The following HERC1 variants were observed in gnomAD, a reference collection of about 807,000 sequenced individuals.
HERC1 encodes the protein probable E3 ubiquitin-protein ligase HERC1.
HERC1 carries 160 observed loss-of-function variants against 554.3 expected under a neutral mutation model. The observed-to-expected ratio is 0.29, with a 90% CI of 0.25 to 0.33. The LOEUF (loss-of-function observed/expected upper bound fraction) is 0.33. HERC1 is among the 10% of genes least tolerant of loss of function. The probability of loss-of-function intolerance (pLI) is 1.00; values close to 1 mark genes in which losing one functional copy is unlikely to be tolerated. For synonymous variants in HERC1, 2,175 were observed against 2,131.7 expected, an observed-to-expected ratio of 1.02 and a Z score of -0.56; for missense variants, 4,919 against 5,918.5, an observed-to-expected ratio of 0.83 and a Z score of 5.54.
chr15:63,710,552 G>C (rs950867797), intron 24 of HERC1, among the ~76,000 whole-genome samples: 1 of 152,178 alleles, frequency 6.6e-6, no homozygotes, highest in Non-Finnish European at 1.5e-5. Flanking sequence ...TGTCCTTAAA[G>C]AGCTTATATT....
intron 74 of HERC1, 139 bp from the exon 75 acceptor site, chr15:63,616,821 T>A: frequency 1.4e-6 from 1 of 735,098 alleles, no homozygotes; most frequent in South Asian, 2.0e-5. Context: ...CTAAAGTAAT[T>A]AAATAAAACT....
chr15:63,749,676 C>G lies in HERC1; in HGVS notation c.2018G>C (p.Gly673Ala). 6 of 1,597,460 alleles carry G rather than the reference C, an allele frequency of 3.8e-6. No individual in the cohort carries two copies. Among genetic ancestry groups the G allele is most frequent in the Non-Finnish European group, 5.1e-6 (6 of 1,171,068 alleles). Residue 673 changes from glycine (G) to alanine (A), a missense_variant, in exon 9 of 78, where the codon GGA becomes GCA. Coordinates refer to ENST00000443617, the MANE Select transcript of HERC1 (RefSeq NM_003922.4). This position sits in a 1 kb window ranked among gnomAD's most constrained non-coding sequence, Gnocchi z 4.1. ...AGAAAGAGCCAAACAATGACTGTCT[C>G]CAATAGAAACATCAACTATTCTTGT... ...AATRIVDVSI[G>A]DSHCLALSHD...
intron 22 of HERC1, 88 bp from the exon 23 acceptor site, chr15:63,713,753 A>G (rs2073414826): frequency 8.2e-7 from 1 of 1,217,280 alleles, no homozygotes; most frequent in African/African-American, 1.5e-5. Flanking sequence ...AAAAGTTTGG[A>G]CCAAAAACTT....
Position 63,654,232 on chromosome 15 carries a change from G to A in HERC1, c.10177C>T (p.Arg3393Cys), listed in dbSNP as rs570782385. The A allele has an allele frequency of 6.3e-5, 101 of 1,613,732 alleles. No individual in the cohort carries two copies. The highest frequency in any genetic ancestry group is 3.0e-4 in the South Asian group (27 of 91,084). ...TCACGGTCGTGTGCAGCAAGAGTGCGCACGAGTTGCTGAGCTGCCCATTGC... is the reference window on the plus strand; with the variant it reads ...TCACGGTCGTGTGCAGCAAGAGTGCACACGAGTTGCTGAGCTGCCCATTGC... ...HRQWAAQQLV[R>C]TLAAHDRDNQ... The change falls in exon 51 of 78, where the codon CGC (arginine) becomes TGC (cysteine). Residue 3393 changes from arginine to cysteine, a missense_variant. Physicochemically the swap from Arg to Cys is radical, Grantham distance 180. Around this residue, in one of 11 missense-constraint regions of HERC1, gnomAD observed 1,963 missense variants for 2,228.6 expected, o/e 0.88. Transcript: ENST00000443617.
intron 1 of HERC1, among the ~76,000 whole-genome samples, chr15:63,803,542 C>A (rs964093892): frequency 3.9e-5 from 6 of 152,200 alleles, no homozygotes; most frequent in African/African-American, 1.4e-4. Flanking sequence ...CCCACCTCTG[C>A]CTCCTAAAGT....
chr15:63,788,600 ATAAT>A (rs1453469324), intron 1 of HERC1, among the ~76,000 whole-genome samples: 2 of 152,228 alleles, frequency 1.3e-5, no homozygotes, highest in Non-Finnish European at 1.5e-5. Context: ...TTCATAATCT[ATAAT>A]TAATAAAAAT....
intron 68 of HERC1, among the ~76,000 whole-genome samples, chr15:63,631,023 G>C (rs1046229297): frequency 6.6e-6 from 1 of 152,100 alleles, no homozygotes; most frequent in Non-Finnish European, 1.5e-5. Context: ...GCCCAGACTG[G>C]AGTACAGTGC....
chr15:63,737,088 C>G (rs2074538934), intron 12 of HERC1, among the ~76,000 whole-genome samples: 1 of 150,320 alleles, frequency 6.7e-6, no homozygotes, highest in Admixed American at 6.6e-5. Context: ...CGGGAGGCTA[C>G]TAAAAAAGGA....
intron 3 of HERC1, among the ~76,000 whole-genome samples, chr15:63,762,953 G>C (rs2142346100): frequency 6.6e-6 from 1 of 152,264 alleles, no homozygotes; most frequent in African/African-American, 2.4e-5. Context: ...AGCAGAACAT[G>C]TTCCATATAA....
chr15:63,705,974 G>A (rs1733560769), intron 25 of HERC1, among the ~76,000 whole-genome samples: 1 of 142,352 alleles, frequency 7.0e-6, no homozygotes, highest in Non-Finnish European at 1.5e-5. Context: ...AGGCTGCAGT[G>A]AGCTATGATG....
chr15:63,640,268 A>C lies in HERC1; in HGVS notation c.11785T>G (p.Cys3929Gly). ...WNPNEWAWLE[C>G]FSTTIKAAEA... Reference sequence around the variant, plus strand: ...GCAGCTTTTATAGTGGTTGAGAAACATTCTAACCAGGCCCATTCATTTGGA... The same window carrying C: ...GCAGCTTTTATAGTGGTTGAGAAACCTTCTAACCAGGCCCATTCATTTGGA... The change falls in exon 61 of 78, where the codon TGT becomes GGT. Residue 3929 changes from cysteine (C) to glycine (G), a missense_variant. By Grantham distance (159) the Cys-to-Gly change is radical. Transcript: ENST00000443617. The C allele has an allele frequency of 1.2e-6, 2 of 1,613,958 alleles. No individual in the cohort carries two copies. The highest frequency in any genetic ancestry group is 1.7e-6 in the Non-Finnish European group (2 of 1,179,844).
chr15:63,726,428 T>C (rs1478582699), intron 17 of HERC1, among the ~76,000 whole-genome samples: 2 of 152,074 alleles, frequency 1.3e-5, no homozygotes, highest in Admixed American at 6.5e-5. Flanking sequence ...GGATAAGTTA[T>C]CTAAAAGGAA....
rs754808106 is a variant in HERC1, at chr15:63,737,516, GATATATATATATATATAT to G, written c.2521-2685_2521-2668del. 8.6e-5 allele frequency among the ~76,000 whole-genome samples: 4 copies of G among 46,418 alleles called. No individual in the cohort carries two copies. The East Asian group carries it at 4.1e-3, about 48-fold the overall frequency. 30.5% of individuals were successfully genotyped at this position (46,418 alleles called of 152,430 possible). On this transcript the variant is annotated intron_variant, in intron 12 of 77. Transcript: ENST00000443617. Reference sequence around the variant, plus strand: ...TATACATATATATATCTTTTTTCCAGATATATATATATATATATATATATATATATATCTTTTTTTTTT... The same window carrying G: ...TATACATATATATATCTTTTTTCCAGATATATATATATATCTTTTTTTTTT...
At chr15:63,723,028 G>A (rs546980774) in intron 19 of HERC1, among the ~76,000 whole-genome samples, 154 bp downstream of exon 19, 2 of 151,696 alleles carry the variant, frequency 1.3e-5, no homozygotes, top group Admixed American at 1.3e-4. Flanking sequence ...TTTCCACAAA[G>A]GGAAAAACAA....
intron 76 of HERC1, among the ~76,000 whole-genome samples, chr15:63,613,017 C>T (rs1235322098): frequency 1.3e-5 from 2 of 152,124 alleles, no homozygotes; most frequent in Non-Finnish European, 2.9e-5. Context: ...TAATTATATC[C>T]TTTTTGTAAA....
chr15:63,708,675 A>G (rs1338661869), intron 24 of HERC1, among the ~76,000 whole-genome samples: 1 of 152,270 alleles, frequency 6.6e-6, no homozygotes, highest in African/African-American at 2.4e-5. Flanking sequence ...AAGATTTAAC[A>G]TTAAAGTAGT....
chr15:63,686,566 G>A, intron 33 of HERC1, 31 bp from the exon 34 acceptor site: 4 of 1,589,194 alleles, frequency 2.5e-6, no homozygotes, highest in Non-Finnish European at 3.4e-6. Flanking sequence ...TCAGCATTTT[G>A]GAATAATCCA....
intron 2 of HERC1, among the ~76,000 whole-genome samples, chr15:63,771,738 T>A (rs1170990824): frequency 6.6e-6 from 1 of 151,530 alleles, no homozygotes; most frequent in African/African-American, 2.4e-5. Context: ...TGGCCAGCAA[T>A]CTAGTTTTTT....
chr15:63,649,704 G>A, intron 54 of HERC1, 21 bp downstream of exon 54: 1 of 1,592,752 alleles, frequency 6.3e-7, no homozygotes, highest in Non-Finnish European at 8.6e-7. Context: ...CCGTCAGCTA[G>A]ACGTAAGTGC....
Sources: allele counts gnomAD v4.1 joint callset (sites outside exome capture counted in the v4.1 genomes callset), GRCh38; gene constraint gnomAD v4.1.1; regional missense constraint gnomAD v4.1.1; non-coding constraint Gnocchi (gnomAD v3.1); transcripts MANE v1.5; gene names NCBI Gene and HGNC (gene_info 2026-07-23, HGNC 2026-07-21).